DYSF: variants seen among roughly 807,000 people sequenced by gnomAD.
The protein encoded by DYSF is dystrophy-associated fer-1-like 1.
In DYSF, 212 loss-of-function variants were observed where a neutral mutation model predicts 274.9. The observed-to-expected ratio is 0.77, with a 90% CI of 0.69 to 0.86. The LOEUF is 0.86. Among genes scored for constraint, DYSF ranks in the 40% least tolerant of loss-of-function variants. The pLI, the probability that DYSF is intolerant of heterozygous loss-of-function variation, is 0.00. For synonymous variants in DYSF, 1,091 were observed against 1,078.7 expected, an observed-to-expected ratio of 1.01 and a Z score of -0.22; for missense variants, 2,666 against 2,783.2, an observed-to-expected ratio of 0.96 and a Z score of 0.95.
chr2:71,663,045 G>GTGCATATTTGTGTGTGTATGTCTGTGTC (rs2094928822), intron 45 of DYSF, among the ~76,000 whole-genome samples: 3 of 143,224 alleles, frequency 2.1e-5, no homozygotes, highest in Non-Finnish European at 3.1e-5. Flanking sequence ...GTGTGTGCGC[G>GTGCATATTTGTGTGTGTATGTCTGTGTC]CACGCGCGTG....
At chr2:71,663,270 C>CA (rs1316979261) in intron 45 of DYSF, among the ~76,000 whole-genome samples, 3 of 152,210 alleles carry the variant, frequency 2.0e-5, no homozygotes, top group African/African-American at 7.2e-5. Flanking sequence ...AGAGGTTCCT[C>CA]AGAGAGCCCC....
At chr2:71,494,892 T>A (rs2084220801) in intron 3 of DYSF, among the ~76,000 whole-genome samples, 1 of 152,170 alleles carries the variant, frequency 6.6e-6, no homozygotes, top group Admixed American at 6.5e-5. Flanking sequence ...GGATCTTATT[T>A]CTCTACCCTC....
At chr2:71,573,165 G>C (rs980340435) in intron 29 of DYSF, among the ~76,000 whole-genome samples, 5 of 152,190 alleles carry the variant, frequency 3.3e-5, no homozygotes, top group African/African-American at 1.2e-4. Context: ...TTTCTCCTTG[G>C]GGGCAGAGAA....
rs1360714610 is a variant in DYSF, at chr2:71,545,669, G to C, written c.1577-5372G>C. 9.2e-5 allele frequency among the ~76,000 whole-genome samples: 14 copies of C among 152,278 alleles called. 1 individual carries two copies. The highest frequency in any genetic ancestry group is 1.2e-4 in the Non-Finnish European group (8 of 68,028). On this transcript the variant is annotated intron_variant, in intron 17 of 55. Coordinates refer to ENST00000410020, the MANE Select transcript of DYSF (RefSeq NM_001130987.2). ...ATCTCTCAATCCAGGGGCAGACAGT[G>C]GTGGGGGCACACTGTGGCATTTCTG...
chr2:71,498,929 C>T (rs572666342), intron 3 of DYSF, among the ~76,000 whole-genome samples: 2 of 152,280 alleles, frequency 1.3e-5, no homozygotes, highest in East Asian at 3.9e-4. Flanking sequence ...TTTTGTTGGA[C>T]ATACTAAATA....
At chr2:71,618,306 G>GTA (rs1558638707) in intron 40 of DYSF, among the ~76,000 whole-genome samples, 1 of 59,086 alleles carries the variant, frequency 1.7e-5, no homozygotes, top group Non-Finnish European at 3.3e-5. Flanking sequence ...GGTAGAGGTG[G>GTA]TGTGTGTGTG....
At chr2:71,529,816 C>A (rs1221838037) in intron 14 of DYSF, among the ~76,000 whole-genome samples, 2 of 152,202 alleles carry the variant, frequency 1.3e-5, no homozygotes, top group East Asian at 3.8e-4. Flanking sequence ...CATTCTTTTT[C>A]TCTTGATTAG....
Position 71,659,195 on chromosome 2 carries a change from C to T in DYSF, c.4911+162C>T, listed in dbSNP as rs554861241. ...GCCTGGATGGAGTTGTGTTAAGGAC[C>T]AAGTGCTCTAGAAGGTCAGGGAAGG... On this transcript the variant is annotated intron_variant, in intron 44 of 55. Transcript: ENST00000410020. 3.3e-5 allele frequency among the ~76,000 whole-genome samples: 5 copies of T among 152,218 alleles called. No individual in the cohort carries two copies. In the South Asian group the frequency reaches 1.0e-3, roughly 32 times the overall value.
intron 45 of DYSF, among the ~76,000 whole-genome samples, chr2:71,660,948 C>G (rs558227752): frequency 6.6e-6 from 1 of 151,880 alleles, no homozygotes; most frequent in African/African-American, 2.4e-5. Context: ...AAGACCCCAT[C>G]TCTACAAAAA....
At chr2:71,484,731 G>A (rs574281818) in intron 3 of DYSF, among the ~76,000 whole-genome samples, 1 of 152,254 alleles carries the variant, frequency 6.6e-6, no homozygotes, top group East Asian at 1.9e-4. Flanking sequence ...TTAAAAATTA[G>A]TTCTCTGTAG....
intron 36 of DYSF, among the ~76,000 whole-genome samples, chr2:71,608,290 T>G (rs1011780783): frequency 1.3e-5 from 2 of 151,564 alleles, no homozygotes; most frequent in African/African-American, 2.4e-5. Context: ...GATGGGGATG[T>G]CTTTAAATTG....
intron 10 of DYSF, among the ~76,000 whole-genome samples, chr2:71,519,811 G>GTTTTTTTT (rs70959241): frequency 2.9e-4 from 30 of 102,286 alleles, no homozygotes; most frequent in Non-Finnish European, 3.7e-4. Flanking sequence ...CACCCGGCTA[G>GTTTTTTTT]TTTTTTTTTT....
intron 13 of DYSF, 79 bp downstream of exon 13, chr2:71,526,425 C>CTGGGGGGGGGGGGGGGGGCTTGGGGGGGG: frequency 5.6e-6 from 2 of 360,048 alleles, no homozygotes; most frequent in East Asian, 7.1e-5. Context: ...CGATGGCGGG[C>CTGGGGGGGGGGGGGGGGGCTTGGGGGGGG]GGGGTCAGCT....
chr2:71,562,261 G>A lies in DYSF; in HGVS notation c.2409+317G>A, dbSNP rs147341474. Among the ~76,000 whole-genome samples, 6 of 152,272 alleles carry A rather than the reference G, an allele frequency of 3.9e-5. No individual in the cohort carries two copies. The East Asian group carries it at 1.2e-3, about 29-fold the overall frequency. Reference sequence around the variant, plus strand: ...CAGAATCCAAGGTACCTGGTTCTAGGTTCAGTGCCAGGGCCAGCTTCCCCA... The same window carrying A: ...CAGAATCCAAGGTACCTGGTTCTAGATTCAGTGCCAGGGCCAGCTTCCCCA... On this transcript the variant is annotated intron_variant, in intron 23 of 55. Coordinates refer to ENST00000410020, the MANE Select transcript of DYSF (RefSeq NM_001130987.2).
chr2:71,481,404 G>T (rs1267139772), intron 2 of DYSF, among the ~76,000 whole-genome samples: 1 of 152,234 alleles, frequency 6.6e-6, no homozygotes, highest in African/African-American at 2.4e-5. Context: ...CATGGATGGG[G>T]TCGGATGCAC....
intron 31 of DYSF, 147 bp downstream of exon 31, chr2:71,589,833 G>T: frequency 1.4e-6 from 1 of 725,956 alleles, no homozygotes; most frequent in Non-Finnish European, 2.4e-6. Context: ...CTGTGTGTAT[G>T]TGTGTGTGTG....
chr2:71,540,222 T>C (rs1195034557), intron 17 of DYSF, among the ~76,000 whole-genome samples: 1 of 151,768 alleles, frequency 6.6e-6, no homozygotes, highest in Non-Finnish European at 1.5e-5. Flanking sequence ...GCAATTCTCC[T>C]GCCTCAGCCT....
At chr2:71,541,652 T>G (rs1668869115) in intron 17 of DYSF, among the ~76,000 whole-genome samples, 1 of 152,094 alleles carries the variant, frequency 6.6e-6, no homozygotes, top group South Asian at 2.1e-4. Flanking sequence ...TTTTAAAATT[T>G]CTTATTTAAA....
intron 1 of DYSF, among the ~76,000 whole-genome samples, chr2:71,476,386 C>T (rs980950004): frequency 6.6e-6 from 1 of 152,036 alleles, no homozygotes; most frequent in Non-Finnish European, 1.5e-5. Context: ...GCTAAAAATA[C>T]AAAAATTAGC....
Sources: allele counts gnomAD v4.1 joint callset (sites outside exome capture counted in the v4.1 genomes callset), GRCh38; gene constraint gnomAD v4.1.1; transcripts MANE v1.5; gene names NCBI Gene and HGNC (gene_info 2026-07-23, HGNC 2026-07-21).